The following HELT variants were observed in gnomAD, a reference collection of about 807,000 sequenced individuals.
The protein encoded by HELT is hairy and enhancer of split-related protein HELT.
Under a neutral mutation model 19.5 loss-of-function variants are expected in HELT, and 9 were observed. The observed-to-expected ratio is 0.46, with a 90% confidence interval of 0.28 to 0.80. HELT has a LOEUF of 0.80. Among genes scored for constraint, HELT ranks in the 30% least tolerant of loss-of-function variants. The pLI is 0.12. For missense variants in HELT, 366 were observed against 326.3 expected (o/e 1.12, Z -0.94); for synonymous variants, 162 against 148.3 (o/e 1.09, Z -0.67).
At position 185,020,777 on chromosome 4, in the gene HELT, C is replaced by T; in HGVS notation, c.*5C>T. The T allele has an allele frequency of 6.6e-7, 1 of 1,510,912 alleles. No homozygotes were observed. Among genetic ancestry groups the T allele is most frequent in the Non-Finnish European group, 8.8e-7 (1 of 1,137,748 alleles). The allele number at this position is 1,510,912 out of a possible 1,614,324, so 93.6% of individuals were successfully genotyped here. A position where few individuals can be genotyped will look rare whatever the true frequency, so the allele number is the denominator to read the frequency against. On this transcript the variant is annotated 3_prime_UTR_variant, in exon 4 of 4. Coordinates refer to ENST00000515777, the MANE Select transcript of HELT (RefSeq NM_001300781.2). ...CAGCACCCCCCGGTGCTCTGACGCC[C>T]ACTCGCCCGCCAGATTTCTCCTCGC...
In HELT at chr4:185,020,721, G is replaced by T; in HGVS notation, c.678G>T (p.Ala226=). The part of the protein sequence containing the change: ...DRHYLNLIGH[A]HPNALNLHTP... Reference sequence around the variant, plus strand: ...ATTACCTCAACCTGATCGGCCACGCGCACCCCAACGCCCTTAACCTGCACA... The same window carrying T: ...ATTACCTCAACCTGATCGGCCACGCTCACCCCAACGCCCTTAACCTGCACA... Residue 226 remains alanine (A), a synonymous_variant, in exon 4 of 4, where the codon GCG becomes GCT. Coordinates refer to ENST00000515777, the MANE Select transcript of HELT (RefSeq NM_001300781.2). 6.3e-7 allele frequency: 1 copy of T among 1,589,958 alleles called. No individual in the cohort carries two copies. The highest frequency in any genetic ancestry group is 8.5e-7 in the Non-Finnish European group (1 of 1,173,756).
rs530847826 is a variant in HELT, at chr4:185,020,664, C to T, written c.621C>T (p.Pro207=). 4 of 1,604,712 alleles carry T rather than the reference C, an allele frequency of 2.5e-6. No individual in the cohort carries two copies. Among genetic ancestry groups the T allele is most frequent in the Non-Finnish European group, 3.4e-6 (4 of 1,179,360 alleles). The change falls in exon 4 of 4, where the codon CCC becomes CCT. Residue 207 remains proline, a synonymous_variant. Coordinates refer to ENST00000515777, the MANE Select transcript of HELT (RefSeq NM_001300781.2). ...PLASPAQQHS[P]FLTPVQGLDR... is the part of the protein sequence containing the mutation. ...CTAGCCCAGCGCAGCAGCACAGCCC[C>T]TTCCTGACACCGGTGCAGGGCCTGG...
rs1734028703 is a variant in HELT at position 185,020,204 on chromosome 4, CG to C, written c.230-68del. On this transcript the variant is annotated intron_variant, in intron 3 of 3. Coordinates refer to ENST00000515777, the MANE Select transcript of HELT (RefSeq NM_001300781.2). ...AATGTGGTGGGAGGTGCCCTGCACCCGCTTTGGGCTCGCGTGGGGAAGGGGC... is the reference window on the plus strand; with the variant it reads ...AATGTGGTGGGAGGTGCCCTGCACCCCTTTGGGCTCGCGTGGGGAAGGGGC... 1.9e-6 allele frequency: 3 copies of C among 1,566,522 alleles called. No individual in the cohort carries two copies. The African/African-American group carries it at 4.0e-5, about 21-fold the overall frequency.
Position 185,019,507 on chromosome 4 carries a change from C to T in HELT, c.132+16C>T. 2.5e-6 allele frequency: 4 copies of T among 1,593,066 alleles called. No individual in the cohort carries two copies. The highest frequency in any genetic ancestry group is 3.4e-6 in the Non-Finnish European group (4 of 1,168,990). ...GGCGAAGCAGGTAACGTTGGCGACC[C>T]GGAGCCGGGTGCCAGGCGTTGGGAG... On this transcript the variant is annotated intron_variant, in intron 2 of 3. Coordinates refer to ENST00000515777, the MANE Select transcript of HELT (RefSeq NM_001300781.2).
chr4:185,020,213 C>G lies in HELT; in HGVS notation c.230-60C>G, dbSNP rs1734029257. ...GGAGGTGCCCTGCACCCGCTTTGGG[C>G]TCGCGTGGGGAAGGGGCACTCAGGG... is the stretch of plus-strand genomic sequence containing the variant. On this transcript the variant is annotated intron_variant, in intron 3 of 3. Transcript: ENST00000515777. 4 of 1,573,102 alleles carry G rather than the reference C, an allele frequency of 2.5e-6. No homozygotes were observed. In the African/African-American group the frequency reaches 4.0e-5, roughly 16 times the overall value.
rs1318881889 is a variant in HELT, at chr4:185,020,276, A to T, written c.233A>T (p.Glu78Val). ...ADFPRGREKAELLAEFANYFH... is the reference protein window; with the variant it reads ...ADFPRGREKAVLLAEFANYFH... ...ACGGGCTTTCTCGTTCCTCCAGCAGAACTTCTAGCGGAGTTTGCCAACTAC... is the reference window on the plus strand; with the variant it reads ...ACGGGCTTTCTCGTTCCTCCAGCAGTACTTCTAGCGGAGTTTGCCAACTAC... The change falls in exon 4 of 4, where the codon GAA (glutamate) becomes GTA (valine). Residue 78 changes from glutamate to valine, a missense_variant. Coordinates refer to ENST00000515777, the MANE Select transcript of HELT (RefSeq NM_001300781.2). 1.9e-6 allele frequency: 3 copies of T among 1,612,200 alleles called. No homozygotes were observed. The highest frequency in any genetic ancestry group is 2.5e-6 in the Non-Finnish European group (3 of 1,178,540).
chr4:185,020,142 G>T, intron 3 of HELT, 131 bp from the exon 4 acceptor site: 1 of 1,334,060 alleles, frequency 7.5e-7, no homozygotes, highest in Non-Finnish European at 1.0e-6. Flanking sequence ...ACTGCGCAGA[G>T]GAGAGGGCGG....
rs752370438 is a variant in HELT at position 185,018,911 on chromosome 4, G to C, written c.-18G>C. On this transcript the variant is annotated 5_prime_UTR_variant, in exon 1 of 4. Coordinates refer to ENST00000515777, the MANE Select transcript of HELT (RefSeq NM_001300781.2). Reference sequence around the variant, plus strand: ...TGCCCCGCGCCACCGCCTCTCCCGAGGGCGCGTACTGACCAGGATGTCAGA... The same window carrying C: ...TGCCCCGCGCCACCGCCTCTCCCGACGGCGCGTACTGACCAGGATGTCAGA... 1.3e-6 allele frequency: 2 copies of C among 1,575,958 alleles called. No individual in the cohort carries two copies. The highest frequency in any genetic ancestry group is 4.5e-5 in the East Asian group (2 of 44,004).
chr4:185,020,633 C>A lies in HELT; in HGVS notation c.590C>A (p.Pro197Gln). 1.9e-6 allele frequency: 3 copies of A among 1,603,066 alleles called. No homozygotes were observed. The highest frequency in any genetic ancestry group is 2.5e-6 in the Non-Finnish European group (3 of 1,178,948). The change falls in exon 4 of 4, where the codon CCG (proline) becomes CAG (glutamine). Residue 197 changes from proline (P) to glutamine (Q), a missense_variant. Coordinates refer to ENST00000515777, the MANE Select transcript of HELT (RefSeq NM_001300781.2). The part of the protein sequence containing the change: ...ALPYLPSAPV[P>Q]LASPAQQHSP... ...CCCTACCTGCCCAGCGCGCCAGTGCCGCTCGCTAGCCCAGCGCAGCAGCAC... is the reference window on the plus strand; with the variant it reads ...CCCTACCTGCCCAGCGCGCCAGTGCAGCTCGCTAGCCCAGCGCAGCAGCAC...
At position 185,019,986 on chromosome 4, in the gene HELT, C is replaced by A. The variant is rs77100190; in HGVS notation, c.229+143C>A. On this transcript the variant is annotated intron_variant, in intron 3 of 3. Coordinates refer to ENST00000515777, the MANE Select transcript of HELT (RefSeq NM_001300781.2). ...CAGGAGGGCAGGGGTCCTGCGAAGG[C>A]GCCTCTCCCTGCTCGGCGACAGCAA... 3.0e-3 allele frequency: 2,663 copies of A among 874,032 alleles called. 14 individuals are homozygous for A. The highest frequency in any genetic ancestry group is 8.5e-3 in the Middle Eastern group (24 of 2,818). The allele number at this position is 874,032 out of a possible 1,614,324, so 54.1% of individuals were successfully genotyped here. A position where few individuals can be genotyped will look rare whatever the true frequency, so the allele number is the denominator to read the frequency against.
chr4:185,019,032 G>T (rs1733978488), intron 1 of HELT, 77 bp downstream of exon 1: 1 of 1,613,962 alleles, frequency 6.2e-7, no homozygotes, highest in African/African-American at 1.3e-5. Context: ...CACTTGGGTG[G>T]ACCGATGGCA....
intron 1 of HELT, 193 bp downstream of exon 1, chr4:185,019,148 G>C: frequency 6.5e-7 from 1 of 1,531,878 alleles, no homozygotes; most frequent in Non-Finnish European, 8.8e-7. Context: ...GTCCTGCCTG[G>C]AGGCTGGCGG....
chr4:185,018,765 T>G lies in HELT; in HGVS notation c.-164T>G, dbSNP rs1733966145. The G allele has an allele frequency of 3.5e-6, 2 of 564,390 alleles. No homozygotes were observed. Among genetic ancestry groups the G allele is most frequent in the Non-Finnish European group, 3.0e-6 (1 of 328,730 alleles). 35.0% of individuals were successfully genotyped at this position (564,390 alleles called of 1,614,324 possible). On this transcript the variant is annotated 5_prime_UTR_variant, in exon 1 of 4. Transcript: ENST00000515777. ...CAGCTCCCCTAATCCTATGGAATAA[T>G]TCAACTCGTGAATGCATCTGGAGCC...
Position 185,020,502 on chromosome 4 carries a change from G to A in HELT, c.459G>A (p.Gly153=), listed in dbSNP as rs770123262. Residue 153 remains glycine, a synonymous_variant, in exon 4 of 4, where the codon GGG becomes GGA. Coordinates refer to ENST00000515777, the MANE Select transcript of HELT (RefSeq NM_001300781.2). Reference sequence around the variant, plus strand: ...TCTCCTATCAGCTGCACCCTGCGGGGCCCGAATTCGCTGGTCACAGCCCGG... The same window carrying A: ...TCTCCTATCAGCTGCACCCTGCGGGACCCGAATTCGCTGGTCACAGCCCGG... ...PDFSYQLHPA[G]PEFAGHSPGE... is the part of the protein sequence containing the mutation. 1.2e-6 allele frequency: 2 copies of A among 1,612,186 alleles called. No homozygotes were observed. Among genetic ancestry groups the A allele is most frequent in the Admixed American group, 1.7e-5 (1 of 59,992 alleles).
At position 185,020,544 on chromosome 4, in the gene HELT, C is replaced by T. The variant is rs200667795; in HGVS notation, c.501C>T (p.Phe167=). ...AGHSPGEAAV[F]PQGSGAGPFP... is the part of the protein sequence containing the mutation. ...ACAGCCCGGGCGAGGCCGCTGTGTT[C>T]CCGCAGGGCTCTGGTGCCGGGCCTT... The change falls in exon 4 of 4, where the codon TTC becomes TTT. Residue 167 remains phenylalanine, a synonymous_variant. Coordinates refer to ENST00000515777, the MANE Select transcript of HELT (RefSeq NM_001300781.2). 2.9e-4 allele frequency: 471 copies of T among 1,606,510 alleles called. 3 individuals carry two copies. Among genetic ancestry groups the T allele is most frequent in the East Asian group, 2.0e-4 (9 of 44,824 alleles).
At chr4:185,019,919 G>A (rs1734015683) in intron 3 of HELT, 76 bp downstream of exon 3, 12 of 1,304,320 alleles carry the variant, frequency 9.2e-6, no homozygotes, top group South Asian at 1.3e-5. Context: ...TGGGAGGGGA[G>A]TGACTGAGTG....
chr4:185,019,923 C>A, intron 3 of HELT, 80 bp downstream of exon 3: 1 of 1,290,056 alleles, frequency 7.8e-7, no homozygotes, highest in Non-Finnish European at 1.1e-6. Flanking sequence ...AGGGGAGTGA[C>A]TGAGTGTTCC....
At position 185,020,784 on chromosome 4, in the gene HELT, C is replaced by A. The variant is rs1329532415; in HGVS notation, c.*12C>A. The A allele has an allele frequency of 6.6e-7, 1 of 1,506,922 alleles. No homozygotes were observed. The highest frequency in any genetic ancestry group is 1.3e-5 in the South Asian group (1 of 76,556). 93.3% of individuals were successfully genotyped at this position (1,506,922 alleles called of 1,614,324 possible). On this transcript the variant is annotated 3_prime_UTR_variant, in exon 4 of 4. Transcript: ENST00000515777. ...CCCCGGTGCTCTGACGCCCACTCGC[C>A]CGCCAGATTTCTCCTCGCTTTGGGC...
chr4:185,019,069 T>G (rs1454054165), intron 1 of HELT, 114 bp downstream of exon 1: 1 of 1,611,594 alleles, frequency 6.2e-7, no homozygotes, highest in Non-Finnish European at 8.5e-7. Flanking sequence ...GGACTTTGAG[T>G]GTGGAGGAAT....
Sources: allele counts gnomAD v4.1 joint callset, GRCh38; gene constraint gnomAD v4.1.1; transcripts MANE v1.5; gene names NCBI Gene and HGNC (gene_info 2026-07-23, HGNC 2026-07-21).